Variants in VPS41 observed in about 807,000 individuals in gnomAD.
The protein encoded by VPS41 is vacuolar protein sorting-associated protein 41 homolog.
Under a neutral mutation model 130.9 loss-of-function variants are expected in VPS41, and 85 were observed. The ratio of observed to expected loss-of-function variants is 0.65; its 90% CI spans 0.55 to 0.78. The LOEUF (loss-of-function observed/expected upper bound fraction) is 0.78, where lower values mean the gene tolerates loss of function less well. Among genes scored for constraint, VPS41 ranks in the 30% least tolerant of loss-of-function variants. The pLI is 0.00. For missense variants in VPS41, 874 were observed against 1,018.7 expected (o/e 0.86, Z 1.93); for synonymous variants, 335 against 332.9 (o/e 1.01, Z -0.07).
At chr7:38,728,827 G>GATTGTATCTGTTTAGTTTATTATC in intron 25 of VPS41, 36 bp from the exon 26 acceptor site, 2 of 1,593,304 alleles carry the variant, frequency 1.3e-6, no homozygotes, top group Non-Finnish European at 8.6e-7. Flanking sequence ...GCCATCTTAA[G>GATTGTATCTGTTTAGTTTATTATC]TAGACTCAAA....
chr7:38,732,051 A>C (rs1795673999), intron 25 of VPS41, among the ~76,000 whole-genome samples: 1 of 152,224 alleles, frequency 6.6e-6, no homozygotes, highest in African/African-American at 2.4e-5. Context: ...AGCCTGGGAA[A>C]GCAGCCCTTT....
intron 4 of VPS41, among the ~76,000 whole-genome samples, chr7:38,843,054 G>C (rs1785640734): frequency 6.6e-6 from 1 of 152,110 alleles, no homozygotes; most frequent in Non-Finnish European, 1.5e-5. Context: ...ATAAACAAAA[G>C]CTCTATAAAA....
At chr7:38,871,677 C>A (rs1447758022) in intron 2 of VPS41, among the ~76,000 whole-genome samples, 1 of 152,136 alleles carries the variant, frequency 6.6e-6, no homozygotes, top group Non-Finnish European at 1.5e-5. Flanking sequence ...AATGATGCTA[C>A]AAATCACAAC....
chr7:38,771,267 C>T lies in VPS41; in HGVS notation c.1129-13G>A, dbSNP rs1254969073. On this transcript the variant is annotated splice_polypyrimidine_tract_variant and intron_variant, in intron 13 of 28. Transcript: ENST00000310301. ...CCATCAATGCTTCCTTTATTCCAAA[C>T]ATAAGGATGATTTAAAAAAAAAAAA... The T allele has an allele frequency of 2.7e-6, 4 of 1,490,850 alleles. No individual in the cohort carries two copies. Among genetic ancestry groups the T allele is most frequent in the Non-Finnish European group, 3.6e-6 (4 of 1,117,038 alleles). The allele number at this position is 1,490,850 out of a possible 1,614,324, so 92.4% of individuals were successfully genotyped here. A position where few individuals can be genotyped will look rare whatever the true frequency, so the allele number is the denominator to read the frequency against.
intron 7 of VPS41, among the ~76,000 whole-genome samples, chr7:38,812,665 G>T (rs1166671990): frequency 6.6e-6 from 1 of 151,992 alleles, no homozygotes; most frequent in African/African-American, 2.4e-5. Flanking sequence ...TATCTACCCA[G>T]AATTTATTTT....
chr7:38,908,156 A>G (rs1223207737), intron 1 of VPS41, among the ~76,000 whole-genome samples: 3 of 152,212 alleles, frequency 2.0e-5, no homozygotes, highest in Non-Finnish European at 4.4e-5. Context: ...TTATGATACT[A>G]AACAGCCCAT....
intron 3 of VPS41, among the ~76,000 whole-genome samples, chr7:38,864,750 T>C (rs146800184): frequency 1.3e-3 from 198 of 151,984 alleles, no homozygotes; most frequent in African/African-American, 4.6e-3. Flanking sequence ...TTTGTAATTA[T>C]TGAGTTTTGT....
At chr7:38,774,269 T>C in intron 11 of VPS41, 25 bp from the exon 12 acceptor site, 1 of 1,552,024 alleles carries the variant, frequency 6.4e-7, no homozygotes, top group South Asian at 1.2e-5. Context: ...GAGAGAAACA[T>C]TAATTTAAAT....
intron 25 of VPS41, among the ~76,000 whole-genome samples, chr7:38,739,537 T>C (rs1456697433): frequency 3.3e-5 from 5 of 152,224 alleles, no homozygotes; most frequent in Admixed American, 2.0e-4. Flanking sequence ...TAATACATTA[T>C]GTAAAAAGAG....
chr7:38,850,123 T>C (rs1303677052), intron 4 of VPS41, among the ~76,000 whole-genome samples: 1 of 152,204 alleles, frequency 6.6e-6, no homozygotes, highest in Non-Finnish European at 1.5e-5. Flanking sequence ...AGAAGTTGTG[T>C]CCAAACTTTC....
intron 25 of VPS41, among the ~76,000 whole-genome samples, chr7:38,736,193 T>C (rs964314597): frequency 1.3e-5 from 2 of 152,238 alleles, no homozygotes; most frequent in African/African-American, 4.8e-5. Flanking sequence ...AGAGATCATC[T>C]AATCTCAAGG....
At chr7:38,900,542 A>T (rs760047879) in intron 1 of VPS41, among the ~76,000 whole-genome samples, 5 of 152,226 alleles carry the variant, frequency 3.3e-5, no homozygotes, top group Non-Finnish European at 7.3e-5. Context: ...TATGTAAATT[A>T]AAAAAGAAAA....
intron 7 of VPS41, among the ~76,000 whole-genome samples, chr7:38,808,628 G>GA (rs1784882300): frequency 6.6e-6 from 1 of 152,164 alleles, no homozygotes. Flanking sequence ...CGATTCACTT[G>GA]AAAACTACAA....
In VPS41 at chr7:38,794,712, C is replaced by T. The variant is rs193004875; in HGVS notation, c.717+753G>A. ...TCCCAGGTCTGTCTGGCCTCAAAGCCTGAGCTCTTCCATGAGACTACTGCT... is the reference window on the plus strand; with the variant it reads ...TCCCAGGTCTGTCTGGCCTCAAAGCTTGAGCTCTTCCATGAGACTACTGCT... On this transcript the variant is annotated intron_variant, in intron 9 of 28. Transcript: ENST00000310301. Among the ~76,000 whole-genome samples the T allele has an allele frequency of 9.2e-5, 14 of 152,322 alleles. 1 individual carries two copies. The highest frequency in any genetic ancestry group is 7.2e-4 in the Admixed American group (11 of 15,302).
chr7:38,864,474 A>G (rs1024676479), intron 3 of VPS41, among the ~76,000 whole-genome samples: 6 of 152,218 alleles, frequency 3.9e-5, no homozygotes, highest in African/African-American at 1.4e-4. Context: ...ATGACAAGCT[A>G]TCTTGTGTTT....
chr7:38,730,829 G>A (rs950845404), intron 25 of VPS41, among the ~76,000 whole-genome samples: 1 of 152,106 alleles, frequency 6.6e-6, no homozygotes, highest in Non-Finnish European at 1.5e-5. Context: ...GGGTGCTCCA[G>A]GCCCATGGCA....
chr7:38,733,117 C>T (rs573812565), intron 25 of VPS41, among the ~76,000 whole-genome samples: 7 of 152,292 alleles, frequency 4.6e-5, no homozygotes, highest in South Asian at 2.1e-4. Flanking sequence ...CATGAACCAC[C>T]GTATCCAGCC....
chr7:38,815,640 G>C (rs752311718), intron 7 of VPS41, among the ~76,000 whole-genome samples: 7 of 152,128 alleles, frequency 4.6e-5, no homozygotes, highest in African/African-American at 1.7e-4. Flanking sequence ...GACTGGGAGA[G>C]GCAGACCCAC....
chr7:38,829,228 CA>C (rs1368057947), intron 5 of VPS41, among the ~76,000 whole-genome samples: 1 of 152,124 alleles, frequency 6.6e-6, no homozygotes, highest in Non-Finnish European at 1.5e-5. Flanking sequence ...ATTACTGTTT[CA>C]AAAGACTCTT....
Sources: allele counts gnomAD v4.1 joint callset (sites outside exome capture counted in the v4.1 genomes callset), GRCh38; gene constraint gnomAD v4.1.1; transcripts MANE v1.5; gene names NCBI Gene and HGNC (gene_info 2026-07-23, HGNC 2026-07-21).